The following COLEC12 variants were observed in gnomAD, a reference collection of about 807,000 sequenced individuals.
COLEC12 encodes collectin-12.
A neutral mutation model predicts 71.1 loss-of-function variants in COLEC12; 33 were observed. That is an observed-to-expected ratio of 0.46 (90% CI 0.35 to 0.62). The LOEUF (loss-of-function observed/expected upper bound fraction) is 0.62. Among genes scored for constraint, COLEC12 ranks in the 20% least tolerant of loss-of-function variants. The pLI is 0.00. For synonymous variants in COLEC12, 350 were observed against 353.0 expected (o/e 0.99, Z 0.10); for missense variants, 765 against 916.1 (o/e 0.84, Z 2.13).
intron 2 of COLEC12, among the ~76,000 whole-genome samples, chr18:387,848 C>T (rs190596169): frequency 3.5e-4 from 54 of 152,206 alleles, no homozygotes; most frequent in Middle Eastern, 3.4e-3. Context: ...TCCTTATGTA[C>T]GACAAAACTG....
intron 1 of COLEC12, among the ~76,000 whole-genome samples, chr18:490,624 A>T (rs1917603326): frequency 6.6e-6 from 1 of 152,234 alleles, no homozygotes; most frequent in Admixed American, 6.5e-5. Context: ...TGAATGGAAA[A>T]GTCAGACAGA....
intron 2 of COLEC12, among the ~76,000 whole-genome samples, chr18:413,474 T>C (rs77214823): frequency 1.3e-5 from 2 of 151,248 alleles, no homozygotes; most frequent in African/African-American, 4.9e-5. Flanking sequence ...AATGGCTATA[T>C]GACTCAGCAA....
intron 2 of COLEC12, among the ~76,000 whole-genome samples, chr18:370,587 C>A (rs964615532): frequency 2.0e-5 from 3 of 152,232 alleles, no homozygotes; most frequent in African/African-American, 7.2e-5. Flanking sequence ...ACTCCCAGTA[C>A]ACTGCATGCG....
At chr18:475,237 C>T (rs1000611858) in intron 2 of COLEC12, among the ~76,000 whole-genome samples, 11 of 152,162 alleles carry the variant, frequency 7.2e-5, no homozygotes, top group African/African-American at 2.7e-4. Context: ...CTTCACCTTC[C>T]TCCCAGTGTC....
chr18:403,338 C>T (rs997363709), intron 2 of COLEC12, among the ~76,000 whole-genome samples: 1 of 152,082 alleles, frequency 6.6e-6, no homozygotes, highest in South Asian at 2.1e-4. Context: ...GAAAGAAAAC[C>T]CTTGCAGGTG....
intron 5 of COLEC12, among the ~76,000 whole-genome samples, chr18:339,454 G>C (rs1045148214): frequency 2.0e-5 from 3 of 152,214 alleles, no homozygotes; most frequent in Non-Finnish European, 4.4e-5. Flanking sequence ...ATCTTGTGAA[G>C]GAAGGGAGTA....
intron 1 of COLEC12, among the ~76,000 whole-genome samples, chr18:483,164 T>C (rs1390320449): frequency 1.3e-5 from 2 of 151,576 alleles, no homozygotes; most frequent in Admixed American, 6.6e-5. Flanking sequence ...CTTTAGGAGG[T>C]TGAGGCGGGT....
chr18:390,937 A>G (rs968480793), intron 2 of COLEC12, among the ~76,000 whole-genome samples: 1 of 152,194 alleles, frequency 6.6e-6, no homozygotes, highest in African/African-American at 2.4e-5. Flanking sequence ...CATCGTTCCC[A>G]TAGCAGCAAA....
chr18:441,234 C>G (rs1186168738), intron 2 of COLEC12, among the ~76,000 whole-genome samples: 2 of 151,074 alleles, frequency 1.3e-5, no homozygotes, highest in African/African-American at 4.9e-5. Flanking sequence ...GGCGACAGAG[C>G]GAGACTCTGT....
At position 347,152 on chromosome 18, in the gene COLEC12, A is replaced by G. The variant is rs765506057; in HGVS notation, c.470T>C (p.Leu157Ser). 1.2e-6 allele frequency: 2 copies of G among 1,614,082 alleles called. No individual in the cohort carries two copies. The highest frequency in any genetic ancestry group is 2.7e-5 in the African/African-American group (2 of 74,926). ...GGTGATGAGGAAAGAGTTATTCTCCAAAGTTTCTTTCAATTGACTCTGCCT... is the reference window on the plus strand; with the variant it reads ...GGTGATGAGGAAAGAGTTATTCTCCGAAGTTTCTTTCAATTGACTCTGCCT... The part of the protein sequence containing the change: ...VDRQSQLKET[L>S]ENNSFLITTV... Residue 157 changes from leucine (L) to serine (S), a missense_variant, in exon 5 of 10, where the codon TTG becomes TCG. Transcript: ENST00000400256.
intron 9 of COLEC12, 61 bp from the exon 10 acceptor site, chr18:320,125 T>A: frequency 1.0e-6 from 1 of 973,362 alleles, no homozygotes; most frequent in East Asian, 2.4e-5. Flanking sequence ...TAATGTGCAA[T>A]TCAAAAAAAG....
chr18:453,459 G>A (rs1296483869), intron 2 of COLEC12, among the ~76,000 whole-genome samples: 1 of 152,162 alleles, frequency 6.6e-6, no homozygotes, highest in Non-Finnish European at 1.5e-5. Context: ...TACAGAGAGA[G>A]ACACAGAGAC....
chr18:398,695 T>C (rs966920309), intron 2 of COLEC12, among the ~76,000 whole-genome samples: 8 of 152,222 alleles, frequency 5.3e-5, no homozygotes, highest in Middle Eastern at 3.2e-3. Flanking sequence ...AATGTGGGAC[T>C]ATCTGACTTA....
intron 2 of COLEC12, among the ~76,000 whole-genome samples, chr18:363,020 G>C (rs1413781759): frequency 6.6e-6 from 1 of 152,030 alleles, no homozygotes; most frequent in Non-Finnish European, 1.5e-5. Context: ...CACATTTCAA[G>C]TAAGAAGCTG....
chr18:345,425 C>T (rs572207300), intron 5 of COLEC12, among the ~76,000 whole-genome samples: 1 of 152,296 alleles, frequency 6.6e-6, no homozygotes, highest in South Asian at 2.1e-4. Context: ...GTTGCCCAGG[C>T]TGGTCTCAAA....
chr18:346,701 G>T lies in COLEC12; in HGVS notation c.921C>A (p.Asn307Lys), dbSNP rs778854178. 8 of 1,614,046 alleles carry T rather than the reference G, an allele frequency of 5.0e-6. 1 individual carries two copies. In the South Asian group the frequency reaches 8.8e-5, roughly 18 times the overall value. ...MENITTISQA[N>K]EQNLKDLQDL... ...CCTGCAGGTCTTTCAGGTTCTGCTC[G>T]TTGGCTTGAGAGATAGTGGTGATGT... is the stretch of plus-strand genomic sequence containing the variant. Residue 307 changes from asparagine to lysine, a missense_variant, in exon 5 of 10, where the codon AAC (asparagine) becomes AAA (lysine). Coordinates refer to ENST00000400256, the MANE Select transcript of COLEC12 (RefSeq NM_130386.3). The surrounding 1 kb of genome is among the most constrained non-coding windows in gnomAD (Gnocchi z 4.0).
Position 362,968 on chromosome 18 carries a change from T to G in COLEC12, c.59-5446A>C, listed in dbSNP as rs1399794406. ...AATAGGCTGACAATTTGGTCCCCAGTGCCCAAACTCAAAGTCCCCTGGGCT... is the reference window on the plus strand; with the variant it reads ...AATAGGCTGACAATTTGGTCCCCAGGGCCCAAACTCAAAGTCCCCTGGGCT... On this transcript the variant is annotated intron_variant, in intron 2 of 9. Transcript: ENST00000400256. The surrounding 1 kb of genome is among the most constrained non-coding windows in gnomAD (Gnocchi z 4.6). Among the ~76,000 whole-genome samples, 1 of 152,114 alleles carries G rather than the reference T, an allele frequency of 6.6e-6. No individual in the cohort carries two copies. Among genetic ancestry groups the G allele is most frequent in the Non-Finnish European group, 1.5e-5 (1 of 68,038 alleles).
At position 319,905 on chromosome 18, in the gene COLEC12, A is replaced by C; in HGVS notation, c.*140T>G. The stretch of plus-strand genomic sequence containing the variant: ...TGGGTAATGACGGATGGTAAAAAAC[A>C]CTAGCTGTCAATTTTTTTTCAGTAA... On this transcript the variant is annotated 3_prime_UTR_variant, in exon 10 of 10. Coordinates refer to ENST00000400256, the MANE Select transcript of COLEC12 (RefSeq NM_130386.3). 1 of 673,826 alleles carries C rather than the reference A, an allele frequency of 1.5e-6. No homozygotes were observed. The highest frequency in any genetic ancestry group is 2.6e-6 in the Non-Finnish European group (1 of 378,680). The allele number at this position is 673,826 out of a possible 1,614,324, so 41.7% of individuals were successfully genotyped here. A position where few individuals can be genotyped will look rare whatever the true frequency, so the allele number is the denominator to read the frequency against.
At chr18:473,213 T>G (rs1917235918) in intron 2 of COLEC12, among the ~76,000 whole-genome samples, 1 of 151,986 alleles carries the variant, frequency 6.6e-6, no homozygotes, top group Non-Finnish European at 1.5e-5. Flanking sequence ...CAGTGTAGAC[T>G]GAACACAAAG....
Sources: allele counts gnomAD v4.1 joint callset (sites outside exome capture counted in the v4.1 genomes callset), GRCh38; gene constraint gnomAD v4.1.1; non-coding constraint Gnocchi (gnomAD v3.1); transcripts MANE v1.5; gene names NCBI Gene and HGNC (gene_info 2026-07-23, HGNC 2026-07-21).